FRMD3: variants seen among roughly 807,000 people sequenced by gnomAD.
FRMD3 encodes FERM domain containing 3.
A neutral mutation model predicts 70.2 loss-of-function variants in FRMD3; 33 were observed. The ratio of observed to expected loss-of-function variants is 0.47; its 90% CI spans 0.36 to 0.63. The LOEUF is 0.63. Ranked by LOEUF, FRMD3 falls within the 20% of genes least tolerant of loss-of-function variation. FRMD3 has a pLI of 0.00. For missense variants in FRMD3, 632 were observed against 711.4 expected (o/e 0.89, Z 1.27); for synonymous variants, 279 against 255.9 (o/e 1.09, Z -0.86).
intron 2 of FRMD3, among the ~76,000 whole-genome samples, chr9:83,373,894 T>A (rs1460998244): frequency 6.6e-6 from 1 of 152,218 alleles, no homozygotes; most frequent in African/African-American, 2.4e-5. Context: ...CACCTCACTC[T>A]ATCTCCTTTG....
At chr9:83,342,969 T>C (rs1214428162) in intron 5 of FRMD3, among the ~76,000 whole-genome samples, 2 of 152,142 alleles carry the variant, frequency 1.3e-5, no homozygotes, top group Non-Finnish European at 2.9e-5. Context: ...CAACTCTGTT[T>C]TTGCAGAGGC....
chr9:83,284,165 CA>C (rs1368309644), intron 13 of FRMD3, among the ~76,000 whole-genome samples: 2 of 146,368 alleles, frequency 1.4e-5, no homozygotes, highest in Non-Finnish European at 3.0e-5. Flanking sequence ...AGGCAAACAG[CA>C]ATCACAAAAC....
At chr9:83,553,411 C>T in the FRMD3 span, among the ~76,000 whole-genome samples, 4 of 152,148 alleles carry the variant, frequency 2.6e-5, no homozygotes, top group African/African-American at 4.8e-5. Context: ...AACATTCTTT[C>T]TTTCATTTCA....
chr9:83,345,489 G>A (rs1823925308), intron 4 of FRMD3, among the ~76,000 whole-genome samples: 1 of 152,194 alleles, frequency 6.6e-6, no homozygotes, highest in Admixed American at 6.5e-5. Context: ...CGGGCATGGT[G>A]GCTCAAGCCT....
chr9:83,250,051 A>G (rs763313113), intron 13 of FRMD3, among the ~76,000 whole-genome samples: 6 of 152,208 alleles, frequency 3.9e-5, no homozygotes, highest in Non-Finnish European at 8.8e-5. Flanking sequence ...AGATGAATAA[A>G]AAGGGGCTAG....
Position 83,412,387 on chromosome 9 carries a change from G to T in FRMD3, c.148-22679C>A, listed in dbSNP as rs533976108. Among the ~76,000 whole-genome samples the T allele has an allele frequency of 7.8e-4, 116 of 148,228 alleles. 1 individual carries two copies. The highest frequency in any genetic ancestry group is 1.5e-3 in the Non-Finnish European group (99 of 66,200). On this transcript the variant is annotated intron_variant, in intron 1 of 13. Coordinates refer to ENST00000304195, the MANE Select transcript of FRMD3 (RefSeq NM_174938.6). ...TGAACATATATAAGTATTTCTACTA[G>T]GTATATGCCTAGAAGTGGAATTTTT...
chr9:83,354,503 A>G (rs1407623756), intron 3 of FRMD3, among the ~76,000 whole-genome samples: 3 of 152,194 alleles, frequency 2.0e-5, no homozygotes, highest in African/African-American at 7.2e-5. Flanking sequence ...GACTACTAGA[A>G]GAAGAAAGTA....
intron 1 of FRMD3, among the ~76,000 whole-genome samples, chr9:83,419,955 C>G (rs1475531994): frequency 6.6e-6 from 1 of 152,164 alleles, no homozygotes; most frequent in Non-Finnish European, 1.5e-5. Flanking sequence ...ACAAAACAAC[C>G]TCAGGTAGAC....
At chr9:83,316,148 C>CT (rs369641019) in intron 6 of FRMD3, among the ~76,000 whole-genome samples, 22,352 of 134,210 alleles carry the variant, frequency 0.17, 1,961 homozygotes, top group African/African-American at 0.21. Context: ...TCTTTTTTCT[C>CT]TTTTTTTTTT....
intron 3 of FRMD3, among the ~76,000 whole-genome samples, chr9:83,362,408 T>C (rs944492656): frequency 2.6e-5 from 4 of 152,172 alleles, no homozygotes; most frequent in African/African-American, 9.7e-5. Context: ...TGAGCACCAC[T>C]GTCATCAGCC....
At chr9:83,411,783 C>A (rs1285304644) in intron 1 of FRMD3, among the ~76,000 whole-genome samples, 1 of 152,226 alleles carries the variant, frequency 6.6e-6, no homozygotes, top group Non-Finnish European at 1.5e-5. Flanking sequence ...CAATTTTTCA[C>A]CTCATTCATT....
chr9:83,325,545 G>A (rs904227558), intron 6 of FRMD3, among the ~76,000 whole-genome samples: 2 of 151,940 alleles, frequency 1.3e-5, no homozygotes, highest in African/African-American at 2.4e-5. Flanking sequence ...CGCTGGTCTC[G>A]AACTCCTGGG....
intron 13 of FRMD3, among the ~76,000 whole-genome samples, chr9:83,261,205 A>T (rs910667290): frequency 2.0e-5 from 3 of 151,686 alleles, no homozygotes; most frequent in Admixed American, 1.3e-4. Flanking sequence ...CCTCTCATGT[A>T]AACATCTTCT....
At chr9:83,500,484 T>G (rs1829038063) in intron 1 of FRMD3, among the ~76,000 whole-genome samples, 1 of 142,170 alleles carries the variant, frequency 7.0e-6, no homozygotes, top group African/African-American at 2.7e-5. Context: ...CTGCATAGAG[T>G]GCTTGGCGTG....
chr9:83,521,710 T>G lies in FRMD3; in HGVS notation c.147+16375A>C, dbSNP rs116820800. 5.7e-3 allele frequency among the ~76,000 whole-genome samples: 873 copies of G among 152,344 alleles called. 7 individuals carry two copies. The highest frequency in any genetic ancestry group is 0.02 in the African/African-American group (834 of 41,582). ...CCAGACTCTGACCCCCACTCCACTG[T>G]CTGCACAGTCTGAGCAGGTAATGCC... On this transcript the variant is annotated intron_variant, in intron 1 of 13. Transcript: ENST00000304195.
At chr9:83,557,436 C>A in the FRMD3 span, among the ~76,000 whole-genome samples, 1 of 152,152 alleles carries the variant, frequency 6.6e-6, no homozygotes, top group Admixed American at 6.5e-5. Context: ...CAGAATTGTG[C>A]TTTTTATCTG....
downstream of FRMD3, among the ~76,000 whole-genome samples, chr9:83,244,052 C>CAGG (rs1188071141): frequency 1.3e-5 from 2 of 151,906 alleles, no homozygotes; most frequent in Non-Finnish European, 2.9e-5. Context: ...TGCTTGAACC[C>CAGG]AGGAGGAGGA....
the FRMD3 span, among the ~76,000 whole-genome samples, chr9:83,583,655 C>T: frequency 6.6e-6 from 1 of 152,136 alleles, no homozygotes; most frequent in East Asian, 1.9e-4. Context: ...GTAGCCCAGG[C>T]CGGAGTGTGG....
chr9:83,344,866 T>C (rs1823901943), intron 4 of FRMD3, among the ~76,000 whole-genome samples: 1 of 150,858 alleles, frequency 6.6e-6, no homozygotes, highest in African/African-American at 2.4e-5. Flanking sequence ...TGTAGCCTAT[T>C]GGTTCTATTT....
Sources: allele counts gnomAD v4.1 joint callset (sites outside exome capture counted in the v4.1 genomes callset), GRCh38; gene constraint gnomAD v4.1.1; transcripts MANE v1.5; gene names NCBI Gene and HGNC (gene_info 2026-07-23, HGNC 2026-07-21).